Variants in GCA observed in about 807,000 individuals in gnomAD.
The protein encoded by GCA is grancalcin.
A neutral mutation model predicts 32.6 loss-of-function variants in GCA; 30 were observed. The observed-to-expected ratio is 0.92, with a 90% CI of 0.69 to 1.25. The LOEUF (loss-of-function observed/expected upper bound fraction) is 1.25. GCA is among the 50% of genes most tolerant of loss of function. The pLI is 0.00. For synonymous variants in GCA, 102 were observed against 84.6 expected (o/e 1.21, Z -1.13); for missense variants, 291 against 266.8 (o/e 1.09, Z -0.63).
chr2:162,372,155 A>G (rs146457420), downstream of GCA: 440 of 1,322,930 alleles, frequency 3.3e-4, no homozygotes, highest in African/African-American at 5.7e-3. Flanking sequence ...GTCATTGAAA[A>G]TTACACTAAT....
At chr2:162,343,096 A>G (rs1316316206), upstream of GCA, among the ~76,000 whole-genome samples, 2 of 152,316 alleles carry the variant, frequency 1.3e-5, no homozygotes, top group East Asian at 3.9e-4. Context: ...AACAACAGAT[A>G]CTCAGCTCTG....
downstream of GCA, among the ~76,000 whole-genome samples, chr2:162,364,267 G>A (rs1685682582): frequency 6.6e-6 from 1 of 151,428 alleles, no homozygotes; most frequent in African/African-American, 2.4e-5. Context: ...ATAACCTGAA[G>A]AGTGCTAGTA....
intron 1 of GCA, among the ~76,000 whole-genome samples, chr2:162,328,858 G>C (rs1453187551): frequency 1.3e-5 from 2 of 152,154 alleles, no homozygotes; most frequent in African/African-American, 4.8e-5. Flanking sequence ...AGGTGGCTTG[G>C]AGGAAGTCAG....
chr2:162,364,100 G>T (rs896791584), downstream of GCA, among the ~76,000 whole-genome samples: 4 of 151,336 alleles, frequency 2.6e-5, no homozygotes, highest in Admixed American at 2.0e-4. Flanking sequence ...GAGTGATTAG[G>T]TCCTAATTCT....
Position 162,323,676 on chromosome 2 carries a change from C to T in GCA, c.-31+4451C>T, listed in dbSNP as rs570996713. Among the ~76,000 whole-genome samples the T allele has an allele frequency of 1.3e-3, 191 of 151,954 alleles. 1 individual carries two copies. The highest frequency in any genetic ancestry group is 6.8e-3 in the Middle Eastern group (2 of 294). ...TTTATTAAATAGGGAATACTTTCCCCATTGCTTGTTTTTCTCAGGTTTGTC... is the reference window on the plus strand; with the variant it reads ...TTTATTAAATAGGGAATACTTTCCCTATTGCTTGTTTTTCTCAGGTTTGTC... On this transcript the variant is annotated intron_variant, in intron 1 of 4. Coordinates refer to the GCA transcript ENST00000429691.
chr2:162,326,849 G>T (rs937338603), intron 1 of GCA, among the ~76,000 whole-genome samples: 1 of 152,064 alleles, frequency 6.6e-6, no homozygotes, highest in Admixed American at 6.6e-5. Flanking sequence ...AAAACTCAGG[G>T]TATGATGGAG....
chr2:162,339,393 A>G (rs1171765120), upstream of GCA, among the ~76,000 whole-genome samples: 1 of 152,232 alleles, frequency 6.6e-6, no homozygotes, highest in Non-Finnish European at 1.5e-5. Context: ...TGGAAATCCA[A>G]TTAAGGAATA....
At chr2:162,371,986 T>C (rs762417294), downstream of GCA, 1 of 1,613,868 alleles carries the variant, frequency 6.2e-7, no homozygotes, top group East Asian at 2.2e-5. Context: ...ACTGTCTTGT[T>C]TTAAAAGTGA....
In GCA at chr2:162,344,235, T is replaced by C. The variant is rs369137863; in HGVS notation, c.-14T>C. On this transcript the variant is annotated 5_prime_UTR_variant, in exon 1 of 8. Transcript: ENST00000437150. ...GACTCGAGGGTGACGCTCGCTCCGC[T>C]CGTCCCGCTCGTCATGGCCTACCCG... 1.3e-4 allele frequency: 207 copies of C among 1,613,534 alleles called. No individual in the cohort carries two copies. Among genetic ancestry groups the C allele is most frequent in the Admixed American group, 5.8e-4 (35 of 59,988 alleles).
chr2:162,330,730 A>T (rs781318234), intron 1 of GCA, among the ~76,000 whole-genome samples: 2 of 152,162 alleles, frequency 1.3e-5, no homozygotes, highest in Non-Finnish European at 2.9e-5. Context: ...CAGAGGTGAG[A>T]ACTAGGGATT....
intron 1 of GCA, among the ~76,000 whole-genome samples, chr2:162,323,819 G>T (rs1683774356): frequency 6.6e-6 from 1 of 151,840 alleles, no homozygotes; most frequent in Admixed American, 6.5e-5. Context: ...TAGCCTTGTA[G>T]TATTGTTTGA....
At chr2:162,340,163 T>C (rs1444267156), upstream of GCA, among the ~76,000 whole-genome samples, 9 of 152,182 alleles carry the variant, frequency 5.9e-5, no homozygotes, top group East Asian at 1.2e-3. Flanking sequence ...AGTGTATCAA[T>C]TGGAGAAAGG....
At chr2:162,340,261 C>T (rs1171694330), upstream of GCA, among the ~76,000 whole-genome samples, 4 of 152,180 alleles carry the variant, frequency 2.6e-5, no homozygotes, top group Non-Finnish European at 5.9e-5. Flanking sequence ...AACAGCCTGA[C>T]ATAGTCACTT....
Position 162,360,958 on chromosome 2 carries a change from A to G in GCA, c.*715A>G, listed in dbSNP as rs964245845. The G allele has an allele frequency of 2.9e-5, 33 of 1,132,868 alleles. No homozygotes were observed. The highest frequency in any genetic ancestry group is 4.1e-5 in the East Asian group (1 of 24,674). The allele number at this position is 1,132,868 out of a possible 1,614,324, so 70.2% of individuals were successfully genotyped here. A position where few individuals can be genotyped will look rare whatever the true frequency, so the allele number is the denominator to read the frequency against. On this transcript the variant is annotated 3_prime_UTR_variant, in exon 8 of 8. Coordinates refer to ENST00000437150, the MANE Select transcript of GCA (RefSeq NM_012198.5). ...TGCGTCCTATTTCATTAGTGAAGACATAGTTCACCTAAAATGGCATCCTGC... is the reference window on the plus strand; with the variant it reads ...TGCGTCCTATTTCATTAGTGAAGACGTAGTTCACCTAAAATGGCATCCTGC...
In GCA at chr2:162,359,058, C is replaced by G. The variant is rs1366951115; in HGVS notation, c.469C>G (p.Pro157Ala). ...CTCTTTTTTAGGTTATAGGTTGAGTCCTCAAACATTAACTACTATTGTTAA... is the reference window on the plus strand; with the variant it reads ...CTCTTTTTTAGGTTATAGGTTGAGTGCTCAAACATTAACTACTATTGTTAA... ...AIGLMGYRLS[P>A]QTLTTIVKRY... The change falls in exon 6 of 8, where the codon CCT (proline) becomes GCT (alanine). Residue 157 changes from proline to alanine, a missense_variant. Transcript: ENST00000437150. The G allele has an allele frequency of 6.4e-7, 1 of 1,554,602 alleles. No individual in the cohort carries two copies. The highest frequency in any genetic ancestry group is 1.1e-5 in the South Asian group (1 of 89,016).
chr2:162,366,653 A>G (rs1374253304), downstream of GCA, among the ~76,000 whole-genome samples: 2 of 152,100 alleles, frequency 1.3e-5, no homozygotes, highest in South Asian at 2.1e-4. Flanking sequence ...AAGTGGTTTA[A>G]CATCACATCG....
downstream of GCA, among the ~76,000 whole-genome samples, chr2:162,375,014 T>C (rs940602519): frequency 6.6e-6 from 1 of 152,208 alleles, no homozygotes; most frequent in Non-Finnish European, 1.5e-5. Flanking sequence ...TTCACTGTTA[T>C]GTGTTATACA....
At chr2:162,350,509 A>G (rs994185288) in intron 2 of GCA, among the ~76,000 whole-genome samples, 2 of 152,166 alleles carry the variant, frequency 1.3e-5, no homozygotes, top group African/African-American at 4.8e-5. Flanking sequence ...TACTCATTAT[A>G]CCATTGCCAT....
downstream of GCA, among the ~76,000 whole-genome samples, chr2:162,372,675 G>A (rs544829083): frequency 1.3e-5 from 2 of 152,042 alleles, no homozygotes; most frequent in South Asian, 2.1e-4. Context: ...TTTCCAGAAC[G>A]TCTTAAATTA....
Sources: allele counts gnomAD v4.1 joint callset (sites outside exome capture counted in the v4.1 genomes callset), GRCh38; gene constraint gnomAD v4.1.1; transcripts MANE v1.5; gene names NCBI Gene and HGNC (gene_info 2026-07-23, HGNC 2026-07-21).